SNRPG: variants seen among roughly 807,000 people sequenced by gnomAD.
SNRPG encodes the protein small nuclear ribonucleoprotein polypeptide G.
A neutral mutation model predicts 13.9 loss-of-function variants in SNRPG; 3 were observed. The ratio of observed to expected loss-of-function variants is 0.22; its 90% CI spans 0.10 to 0.56. The LOEUF (loss-of-function observed/expected upper bound fraction) is 0.56, where lower values mean the gene tolerates loss of function less well. SNRPG is among the 20% of genes least tolerant of loss of function. The pLI is 0.93. For synonymous variants in SNRPG, 29 were observed against 29.3 expected (o/e 0.99, Z 0.03); for missense variants, 34 against 96.1 (o/e 0.35, Z 2.70).
intron 3 of SNRPG, among the ~76,000 whole-genome samples, chr2:70,283,983 A>G (rs1464723949): frequency 6.6e-6 from 1 of 152,322 alleles, no homozygotes; most frequent in Admixed American, 6.5e-5. Context: ...AACTGAGCCC[A>G]GGGAGGTTGA....
At position 70,289,388 on chromosome 2, in the gene SNRPG, G is replaced by A. The variant is rs1366202887; in HGVS notation, c.33-16C>T. On this transcript the variant is annotated splice_polypyrimidine_tract_variant and intron_variant, in intron 1 of 3. Transcript: ENST00000272348. The stretch of plus-strand genomic sequence containing the variant: ...GTCCATAAATCTGAAAAAGGAAAAG[G>A]GTAAAGATTATATAACCAATTAAAA... 3 of 1,381,260 alleles carry A rather than the reference G, an allele frequency of 2.2e-6. No individual in the cohort carries two copies. Among genetic ancestry groups the A allele is most frequent in the Admixed American group, 3.9e-5 (2 of 51,580 alleles). The allele number at this position is 1,381,260 out of a possible 1,614,324, so 85.6% of individuals were successfully genotyped here.
In SNRPG at chr2:70,283,116, A is replaced by C. The variant is rs1302809849; in HGVS notation, c.181-1432T>G. Among the ~76,000 whole-genome samples, 25 of 148,654 alleles carry C rather than the reference A, an allele frequency of 1.7e-4. 4 individuals carry two copies. Among genetic ancestry groups the C allele is most frequent in the Admixed American group, 5.4e-4 (8 of 14,890 alleles). ...TTTGTCAAAAAAAAAAAAAAAAAAA[A>C]AAAAAAAACAACAAACCAAAACCAA... On this transcript the variant is annotated intron_variant, in intron 3 of 3. Coordinates refer to ENST00000272348, the MANE Select transcript of SNRPG (RefSeq NM_003096.4).
chr2:70,293,216 C>A, intron 1 of SNRPG: 2 of 702,392 alleles, frequency 2.8e-6, no homozygotes, highest in South Asian at 3.0e-5. Flanking sequence ...TTTAAAAACA[C>A]TTCCTTCCCT....
chr2:70,285,551 GAC>G (rs1349272917), intron 3 of SNRPG, among the ~76,000 whole-genome samples: 36 of 152,224 alleles, frequency 2.4e-4, no homozygotes, highest in African/African-American at 8.2e-4. Flanking sequence ...CAGCCTCGGT[GAC>G]ACAGTGAGAC....
intron 1 of SNRPG, among the ~76,000 whole-genome samples, chr2:70,290,262 C>A (rs1353596035): frequency 6.6e-6 from 1 of 152,030 alleles, no homozygotes; most frequent in African/African-American, 2.4e-5. Flanking sequence ...GTAATCAAAT[C>A]ATATCCAATT....
chr2:70,284,364 A>T (rs1215298447), intron 3 of SNRPG, among the ~76,000 whole-genome samples: 1 of 152,122 alleles, frequency 6.6e-6, no homozygotes, highest in Non-Finnish European at 1.5e-5. Flanking sequence ...TTACCTAGTT[A>T]TCAGAATTTT....
chr2:70,289,233 G>C, intron 2 of SNRPG, 117 bp downstream of exon 2: 1 of 592,552 alleles, frequency 1.7e-6, no homozygotes, highest in East Asian at 3.3e-5. Flanking sequence ...GATTACAGCC[G>C]TGAGCCATCG....
chr2:70,282,438 A>AG (rs1436986309), intron 3 of SNRPG, among the ~76,000 whole-genome samples: 3 of 152,224 alleles, frequency 2.0e-5, no homozygotes, highest in Non-Finnish European at 4.4e-5. Flanking sequence ...AATTTTGAAA[A>AG]GGAGATTGTA....
intron 3 of SNRPG, among the ~76,000 whole-genome samples, chr2:70,282,906 C>T (rs1275435580): frequency 2.6e-5 from 4 of 151,758 alleles, no homozygotes. Context: ...CCATCCTGGC[C>T]AACATGGAGA....
At position 70,281,699 on chromosome 2, in the gene SNRPG, A is replaced by G; in HGVS notation, c.181-15T>C. On this transcript the variant is annotated splice_polypyrimidine_tract_variant and intron_variant, in intron 3 of 3. Transcript: ENST00000272348. Reference sequence around the variant, plus strand: ...CCTCGTATTACCTAAGAAAGAGAAAAATAAATTTGAAAAGAACAACTCAGG... The same window carrying G: ...CCTCGTATTACCTAAGAAAGAGAAAGATAAATTTGAAAAGAACAACTCAGG... 7.0e-7 allele frequency: 1 copy of G among 1,438,008 alleles called. No individual in the cohort carries two copies. Among genetic ancestry groups the G allele is most frequent in the South Asian group, 1.2e-5 (1 of 84,226 alleles). The allele number at this position is 1,438,008 out of a possible 1,614,324, so 89.1% of individuals were successfully genotyped here. A position where few individuals can be genotyped will look rare whatever the true frequency, so the allele number is the denominator to read the frequency against.
intron 2 of SNRPG, among the ~76,000 whole-genome samples, chr2:70,288,582 G>C (rs1328171560): frequency 2.0e-5 from 3 of 152,096 alleles, no homozygotes; most frequent in Non-Finnish European, 4.4e-5. Context: ...TGGGTTCATG[G>C]TTATACAGCT....
intron 3 of SNRPG, among the ~76,000 whole-genome samples, chr2:70,287,062 T>G (rs182945804): frequency 6.6e-6 from 1 of 152,320 alleles, no homozygotes; most frequent in African/African-American, 2.4e-5. Context: ...CTAAACTGTT[T>G]TTTCAGTCAT....
chr2:70,289,533 A>G (rs534242542), intron 1 of SNRPG, among the ~76,000 whole-genome samples, 161 bp from the exon 2 acceptor site: 8 of 152,280 alleles, frequency 5.3e-5, no homozygotes, highest in African/African-American at 1.9e-4. Context: ...GTGAGGGAGT[A>G]GGGCGAGGTA....
intron 1 of SNRPG, among the ~76,000 whole-genome samples, chr2:70,291,822 CTTTTTG>C (rs1264362702): frequency 1.3e-5 from 2 of 148,748 alleles, no homozygotes; most frequent in African/African-American, 5.0e-5. Flanking sequence ...AGAGAATGGT[CTTTTTG>C]TTAAAAAAAA....
chr2:70,292,099 C>T (rs897670603), intron 1 of SNRPG, among the ~76,000 whole-genome samples: 3 of 151,910 alleles, frequency 2.0e-5, no homozygotes, highest in African/African-American at 7.3e-5. Flanking sequence ...AAGCGCCCGC[C>T]ACCAAGCCCA....
chr2:70,293,520 T>G, intron 1 of SNRPG, 98 bp downstream of exon 1: 1 of 1,051,604 alleles, frequency 9.5e-7, no homozygotes, highest in Non-Finnish European at 1.5e-6. Flanking sequence ...AGAAATGAAG[T>G]GAAGCGGCTC....
chr2:70,282,769 C>G (rs1016866259), intron 3 of SNRPG, among the ~76,000 whole-genome samples: 2 of 152,140 alleles, frequency 1.3e-5, no homozygotes, highest in African/African-American at 4.8e-5. Context: ...GAGAACAGTG[C>G]TTGACCTAGT....
In SNRPG at chr2:70,288,102, G is replaced by A. The variant is rs753363451; in HGVS notation, c.146C>T (p.Ala49Val). Residue 49 changes from alanine to valine, a missense_variant, in exon 3 of 4, where the codon GCG (alanine) becomes GTG (valine). By Grantham distance (64) the Ala-to-Val change is moderately conservative. Coordinates refer to ENST00000272348, the MANE Select transcript of SNRPG (RefSeq NM_003096.4). ...NLVIDECVEM[A>V]TSGQQNNIGM... ...AATATTGTTCTGTTGTCCACTAGTCGCCATCTCCACACATTCATCTATCAC... is the reference window on the plus strand; with the variant it reads ...AATATTGTTCTGTTGTCCACTAGTCACCATCTCCACACATTCATCTATCAC... 17 of 1,610,594 alleles carry A rather than the reference G, an allele frequency of 1.1e-5. No homozygotes were observed. The East Asian group carries it at 1.3e-4, about 13-fold the overall frequency.
chr2:70,285,449 G>C (rs1486650740), intron 3 of SNRPG, among the ~76,000 whole-genome samples: 1 of 152,132 alleles, frequency 6.6e-6, no homozygotes, highest in Non-Finnish European at 1.5e-5. Context: ...GTGTGCGCCT[G>C]TAGTCCCAGC....
Sources: allele counts gnomAD v4.1 joint callset (sites outside exome capture counted in the v4.1 genomes callset), GRCh38; gene constraint gnomAD v4.1.1; transcripts MANE v1.5; gene names NCBI Gene and HGNC (gene_info 2026-07-23, HGNC 2026-07-21).